HIKESHI: variants seen among roughly 807,000 people sequenced by gnomAD.
HIKESHI encodes the protein heat shock protein nuclear import factor hikeshi, also known as protein Hikeshi.
A neutral mutation model predicts 25.7 loss-of-function variants in HIKESHI; 13 were observed. The ratio of observed to expected loss-of-function variants is 0.51; its 90% confidence interval spans 0.33 to 0.80. The LOEUF is 0.80. HIKESHI is among the 30% of genes least tolerant of loss of function. HIKESHI has a pLI of 0.02. For missense variants in HIKESHI, 174 were observed against 229.5 expected (o/e 0.76, Z 1.56); for synonymous variants, 76 against 78.7 (o/e 0.97, Z 0.18).
At chr11:86,320,782 C>A (rs1947126664) in intron 2 of HIKESHI, among the ~76,000 whole-genome samples, 1 of 152,136 alleles carries the variant, frequency 6.6e-6, no homozygotes, top group South Asian at 2.1e-4. Flanking sequence ...TACTGATGTA[C>A]TTTATGTCAC....
intron 2 of HIKESHI, among the ~76,000 whole-genome samples, chr11:86,316,015 C>T (rs1296087839): frequency 6.8e-6 from 1 of 146,886 alleles, no homozygotes; most frequent in Non-Finnish European, 1.5e-5. Flanking sequence ...TGTGGTGGCA[C>T]GTGCTAATAG....
chr11:86,309,846 GT>G (rs1271077144), intron 2 of HIKESHI, among the ~76,000 whole-genome samples: 8 of 152,236 alleles, frequency 5.3e-5, no homozygotes, highest in Non-Finnish European at 8.8e-5. Flanking sequence ...CCCATTTCTT[GT>G]TTTTGTCAGG....
chr11:86,338,256 A>G (rs1310816300), intron 3 of HIKESHI, among the ~76,000 whole-genome samples: 1 of 152,190 alleles, frequency 6.6e-6, no homozygotes, highest in Non-Finnish European at 1.5e-5. Context: ...GATTCCACAT[A>G]TAAGTGAGAT....
chr11:86,328,912 G>A (rs974939474), intron 2 of HIKESHI, among the ~76,000 whole-genome samples: 23 of 143,720 alleles, frequency 1.6e-4, no homozygotes, highest in Non-Finnish European at 3.5e-4. Flanking sequence ...TGTTTTGTGT[G>A]TGTGTGTGTG....
At chr11:86,329,204 T>C (rs1175519436) in intron 2 of HIKESHI, among the ~76,000 whole-genome samples, 1 of 151,570 alleles carries the variant, frequency 6.6e-6, no homozygotes, top group Non-Finnish European at 1.5e-5. Context: ...AAAAAAAAGC[T>C]TTCAGAAACG....
Position 86,321,981 on chromosome 11 carries a change from T to C in HIKESHI, c.269-15398T>C, listed in dbSNP as rs183578540. Among the ~76,000 whole-genome samples the C allele has an allele frequency of 7.8e-3, 1,192 of 152,150 alleles. 8 individuals are homozygous for C. Among genetic ancestry groups the C allele is most frequent in the Non-Finnish European group, 0.012 (825 of 67,964 alleles). On this transcript the variant is annotated intron_variant, in intron 2 of 4. Transcript: ENST00000278483. ...GCATTTTTCTAATGACCAGTGATATTGAGCAGTTTTCTTTTTTTCTTTTTG... is the reference window on the plus strand; with the variant it reads ...GCATTTTTCTAATGACCAGTGATATCGAGCAGTTTTCTTTTTTTCTTTTTG...
chr11:86,322,800 A>T (rs1445522050), intron 2 of HIKESHI, among the ~76,000 whole-genome samples: 4 of 152,142 alleles, frequency 2.6e-5, no homozygotes, highest in African/African-American at 7.2e-5. Flanking sequence ...CTGTCAAAAA[A>T]ATTTTTTTTG....
chr11:86,336,857 T>C (rs1428733689), intron 2 of HIKESHI, among the ~76,000 whole-genome samples: 1 of 151,996 alleles, frequency 6.6e-6, no homozygotes, highest in Non-Finnish European at 1.5e-5. Context: ...CAAGGATCCT[T>C]GCTAAGATTA....
chr11:86,321,225 G>A (rs1278524178), intron 2 of HIKESHI, among the ~76,000 whole-genome samples: 1 of 152,080 alleles, frequency 6.6e-6, no homozygotes, highest in Non-Finnish European at 1.5e-5. Context: ...TAGCCACTGT[G>A]CCTGGCCCGT....
intron 3 of HIKESHI, among the ~76,000 whole-genome samples, chr11:86,342,042 C>T (rs574348888): frequency 1.4e-5 from 2 of 142,742 alleles, no homozygotes; most frequent in African/African-American, 5.2e-5. Flanking sequence ...ATTTATCAGA[C>T]CTTTAAAATT....
At chr11:86,319,816 T>C (rs867467532) in intron 2 of HIKESHI, among the ~76,000 whole-genome samples, 3 of 152,162 alleles carry the variant, frequency 2.0e-5, no homozygotes, top group Non-Finnish European at 4.4e-5. Flanking sequence ...AGGATTCTTA[T>C]AGGTGGTGGT....
At chr11:86,334,455 A>G (rs1947496343) in intron 2 of HIKESHI, among the ~76,000 whole-genome samples, 1 of 152,128 alleles carries the variant, frequency 6.6e-6, no homozygotes, top group Non-Finnish European at 1.5e-5. Context: ...TGCTGCATTT[A>G]CTGTTAACAG....
At chr11:86,310,975 T>C (rs1593814249) in intron 2 of HIKESHI, among the ~76,000 whole-genome samples, 1 of 152,246 alleles carries the variant, frequency 6.6e-6, no homozygotes, top group African/African-American at 2.4e-5. Context: ...AGTATTTTAT[T>C]GAGGATTTTT....
At position 86,307,881 on chromosome 11, in the gene HIKESHI, T is replaced by C. The variant is rs570678274; in HGVS notation, c.268+1399T>C. Reference sequence around the variant, plus strand: ...TATACATTATATAAAATATATATTATGTGTAATATACAATATATAAAATAT... The same window carrying C: ...TATACATTATATAAAATATATATTACGTGTAATATACAATATATAAAATAT... On this transcript the variant is annotated intron_variant, in intron 2 of 4. Transcript: ENST00000278483. 4.7e-4 allele frequency among the ~76,000 whole-genome samples: 59 copies of C among 126,864 alleles called. 1 individual carries two copies. In the East Asian group the frequency reaches 0.013, roughly 27 times the overall value. The allele number at this position is 126,864 out of a possible 152,430, so 83.2% of individuals were successfully genotyped here. A position where few individuals can be genotyped will look rare whatever the true frequency, so the allele number is the denominator to read the frequency against.
intron 2 of HIKESHI, among the ~76,000 whole-genome samples, chr11:86,325,820 C>T (rs954387344): frequency 1.3e-5 from 2 of 151,532 alleles, no homozygotes; most frequent in Non-Finnish European, 2.9e-5. Flanking sequence ...TGCAGTGAAC[C>T]GAGATGGCAC....
intron 2 of HIKESHI, among the ~76,000 whole-genome samples, chr11:86,325,197 A>T (rs1947243667): frequency 1.3e-5 from 2 of 152,070 alleles, no homozygotes; most frequent in Admixed American, 1.3e-4. Flanking sequence ...GGAAAAAAAA[A>T]AGAGAAAAAT....
chr11:86,338,083 A>T (rs901882163), intron 3 of HIKESHI, among the ~76,000 whole-genome samples: 1 of 152,166 alleles, frequency 6.6e-6, no homozygotes, highest in African/African-American at 2.4e-5. Context: ...ATTATTAGTA[A>T]CTGTATTCTC....
intron 2 of HIKESHI, among the ~76,000 whole-genome samples, chr11:86,319,790 T>G (rs1393498017): frequency 1.3e-5 from 2 of 152,162 alleles, no homozygotes; most frequent in Non-Finnish European, 2.9e-5. Flanking sequence ...CAGATTTTAG[T>G]TTTTTAAGTT....
rs1237943750 is a variant in HIKESHI at position 86,302,441 on chromosome 11, C to T, written c.-8C>T. On this transcript the variant is annotated 5_prime_UTR_variant, in exon 1 of 5. Transcript: ENST00000278483. The stretch of plus-strand genomic sequence containing the variant: ...GGTCACTGCCGGCTGAACGGAGCTG[C>T]CGTCGCCATGTTTGGCTGCTTGGTG... 3 of 1,553,946 alleles carry T rather than the reference C, an allele frequency of 1.9e-6. No homozygotes were observed. The highest frequency in any genetic ancestry group is 2.7e-5 in the African/African-American group (2 of 73,318).
Sources: gnomAD v4.1 joint callset for allele counts (sites outside exome capture counted in the v4.1 genomes callset) on GRCh38, gnomAD v4.1.1 for gene constraint, MANE v1.5 for transcripts, NCBI Gene and HGNC (gene_info 2026-07-23, HGNC 2026-07-21) for gene names.